NIBAN2: variants seen among roughly 807,000 people sequenced by gnomAD.
NIBAN2 encodes protein Niban 2.
NIBAN2 carries 36 observed loss-of-function variants against 81.8 expected under a neutral mutation model. The observed-to-expected ratio is 0.44, with a 90% CI of 0.34 to 0.58. The LOEUF is 0.58. Ranked by LOEUF, NIBAN2 falls within the 20% of genes least tolerant of loss-of-function variation. The pLI is 0.02. For synonymous variants in NIBAN2, 445 were observed against 441.6 expected (o/e 1.01, Z -0.10); for missense variants, 897 against 1,014.1 (o/e 0.88, Z 1.57).
chr9:127,525,923 C>T (rs1020910168), intron 3 of NIBAN2, among the ~76,000 whole-genome samples: 1 of 152,174 alleles, frequency 6.6e-6, no homozygotes, highest in African/African-American at 2.4e-5. Context: ...TAGAAACTTA[C>T]ACCAGTAGCA....
At position 127,536,191 on chromosome 9, in the gene NIBAN2, C is replaced by T. The variant is rs1328544426; in HGVS notation, c.56-4413G>A. Among the ~76,000 whole-genome samples, 5 of 152,298 alleles carry T rather than the reference C, an allele frequency of 3.3e-5. No individual in the cohort carries two copies. Among genetic ancestry groups the T allele is most frequent in the Admixed American group, 1.3e-4 (2 of 15,300 alleles). ...TTGTACAGAGGAAGTAACCCAGAGA[C>T]GCAGAAGATGAGGACTCGGGTGCTG... is the stretch of plus-strand genomic sequence containing the variant. On this transcript the variant is annotated intron_variant, in intron 1 of 13. Transcript: ENST00000373312. The surrounding 1 kb of genome is among the most constrained non-coding windows in gnomAD (Gnocchi z 4.0).
chr9:127,558,607 T>A (rs922870411), intron 1 of NIBAN2, among the ~76,000 whole-genome samples: 2 of 151,970 alleles, frequency 1.3e-5, no homozygotes, highest in Admixed American at 6.6e-5. Flanking sequence ...AGGGGAGGTG[T>A]GGTAGGGTGA....
intron 1 of NIBAN2, among the ~76,000 whole-genome samples, chr9:127,544,723 C>T (rs1215244281): frequency 3.3e-5 from 5 of 152,202 alleles, no homozygotes; most frequent in African/African-American, 1.2e-4. Context: ...AGGCTGGTCT[C>T]GAATTCCTGA....
At chr9:127,523,571 T>G in intron 5 of NIBAN2, 108 bp downstream of exon 5, 1 of 1,095,530 alleles carries the variant, frequency 9.1e-7, no homozygotes, top group Non-Finnish European at 1.3e-6. Flanking sequence ...TAGAACAGCC[T>G]GTAGAGCAGG....
In NIBAN2 at chr9:127,525,181, G is replaced by T; in HGVS notation, c.316-18C>A. 6.3e-7 allele frequency: 1 copy of T among 1,592,764 alleles called. No homozygotes were observed. The highest frequency in any genetic ancestry group is 1.1e-5 in the South Asian group (1 of 90,652). ...TCATAGGCCTGAGGGAGGCAAGAGA[G>T]AGGGTCCCTGAGGGTTAAGGTGCGG... On this transcript the variant is annotated intron_variant, in intron 3 of 13. Transcript: ENST00000373312.
At chr9:127,560,530 C>A (rs544017665) in intron 1 of NIBAN2, among the ~76,000 whole-genome samples, 2 of 152,250 alleles carry the variant, frequency 1.3e-5, no homozygotes, top group South Asian at 2.1e-4. Flanking sequence ...CTACCTCCCC[C>A]ATCCTGAGTC....
intron 9 of NIBAN2, 81 bp downstream of exon 9, chr9:127,510,065 G>A (rs889831626): frequency 1.0e-4 from 139 of 1,353,910 alleles, no homozygotes; most frequent in Non-Finnish European, 1.3e-4. Context: ...ACGGCTGCCC[G>A]GAGTCACGCA....
chr9:127,524,943 A>T, intron 4 of NIBAN2, 115 bp downstream of exon 4: 1 of 729,426 alleles, frequency 1.4e-6, no homozygotes, highest in Non-Finnish European at 2.4e-6. Flanking sequence ...CTCTAAGCCT[A>T]GTTGGTCTCT....
rs531659866 is a variant in NIBAN2, at chr9:127,578,759, A to G, written c.16+163T>C. ...AAGCCTATGACGCTTTGGGAGGTCA[A>G]GAAGTGAGGATCCCTTGAGCCCAGG... On this transcript the variant is annotated intron_variant, in intron 1 of 13. Transcript: ENST00000373314. Among the ~76,000 whole-genome samples, 23 of 152,092 alleles carry G rather than the reference A, an allele frequency of 1.5e-4. No homozygotes were observed. In the South Asian group the frequency reaches 4.8e-3, roughly 32 times the overall value.
chr9:127,517,124 C>T lies in NIBAN2; in HGVS notation c.798G>A (p.Arg266=). ...CAGGCCCACCCACCTGGATCCACTG[C>T]CGCTGCCGCTCCTGCGGTTTCCCCT... ...RLKGKPQERQ[R]QWIQISDAVY... Residue 266 remains arginine (R), a synonymous_variant, in exon 7 of 14, where the codon CGG becomes CGA. Transcript: ENST00000373312. The surrounding 1 kb of genome is among the most constrained non-coding windows in gnomAD (Gnocchi z 4.0). The T allele has an allele frequency of 6.2e-7, 1 of 1,613,602 alleles. No homozygotes were observed. Among genetic ancestry groups the T allele is most frequent in the Non-Finnish European group, 8.5e-7 (1 of 1,179,740 alleles).
At chr9:127,527,020 G>C (rs760972836) in intron 3 of NIBAN2, among the ~76,000 whole-genome samples, 174 bp downstream of exon 3, 23 of 152,162 alleles carry the variant, frequency 1.5e-4, no homozygotes, top group Admixed American at 3.3e-4. Context: ...TCCAGAGAGG[G>C]CACCCAGGGC....
intron 1 of NIBAN2, among the ~76,000 whole-genome samples, chr9:127,556,612 GCAT>G (rs1476107746): frequency 3.3e-5 from 5 of 152,194 alleles, no homozygotes; most frequent in African/African-American, 1.2e-4. Context: ...TGGAGTAGAA[GCAT>G]CATCATGCCC....
In NIBAN2 at chr9:127,520,623, T is replaced by C. The variant is rs937978259; in HGVS notation, c.590-2682A>G. 4.6e-5 allele frequency among the ~76,000 whole-genome samples: 7 copies of C among 151,980 alleles called. No homozygotes were observed. In the South Asian group the frequency reaches 1.2e-3, roughly 27 times the overall value. On this transcript the variant is annotated intron_variant, in intron 5 of 13. Coordinates refer to ENST00000373312, the MANE Select transcript of NIBAN2 (RefSeq NM_022833.4). ...AATACAACTAGTGCCCTTAAAAGAATAGTACATTTTGGCCGGGCACAGTGA... is the reference window on the plus strand; with the variant it reads ...AATACAACTAGTGCCCTTAAAAGAACAGTACATTTTGGCCGGGCACAGTGA...
intron 1 of NIBAN2, among the ~76,000 whole-genome samples, chr9:127,533,441 A>G (rs551263822): frequency 1.3e-5 from 2 of 152,310 alleles, no homozygotes; most frequent in African/African-American, 4.8e-5. Flanking sequence ...TGGGCGACAG[A>G]GCGAGACTCC....
At chr9:127,542,841 G>A (rs1837406090) in intron 1 of NIBAN2, among the ~76,000 whole-genome samples, 1 of 152,242 alleles carries the variant, frequency 6.6e-6, no homozygotes, top group Non-Finnish European at 1.5e-5. Flanking sequence ...TTCTGCCTCA[G>A]CCTCCCCAGT....
At position 127,507,389 on chromosome 9, in the gene NIBAN2, C is replaced by T. The variant is rs1046063862; in HGVS notation, c.1697G>A (p.Arg566Gln). 1.4e-5 allele frequency: 22 copies of T among 1,519,966 alleles called. No homozygotes were observed. Among genetic ancestry groups the T allele is most frequent in the Non-Finnish European group, 1.9e-5 (21 of 1,134,030 alleles). 94.2% of individuals were successfully genotyped at this position (1,519,966 alleles called of 1,614,324 possible). A position where few individuals can be genotyped will look rare whatever the true frequency, so the allele number is the denominator to read the frequency against. ...AAVQRKHNLY[R>Q]DSMVMHNSDP... is the part of the protein sequence containing the mutation. Reference sequence around the variant, plus strand: ...GCTGTTGTGCATGACCATGCTGTCCCGGTAGAGGTTGTGCTTCCTCTGCAC... The same window carrying T: ...GCTGTTGTGCATGACCATGCTGTCCTGGTAGAGGTTGTGCTTCCTCTGCAC... Residue 566 changes from arginine (R) to glutamine (Q), a missense_variant, in exon 14 of 14, where the codon CGG (arginine) becomes CAG (glutamine). Arg to Gln is a conservative substitution (Grantham distance 43). Transcript: ENST00000373312. This position sits in a 1 kb window ranked among gnomAD's most constrained non-coding sequence, Gnocchi z 6.8.
Position 127,536,856 on chromosome 9 carries a change from A to G in NIBAN2, c.56-5078T>C, listed in dbSNP as rs544864314. 2.0e-5 allele frequency among the ~76,000 whole-genome samples: 3 copies of G among 152,314 alleles called. No homozygotes were observed. The highest frequency in any genetic ancestry group is 3.9e-4 in the East Asian group (2 of 5,182). On this transcript the variant is annotated intron_variant, in intron 1 of 13. Coordinates refer to ENST00000373312, the MANE Select transcript of NIBAN2 (RefSeq NM_022833.4). This position sits in a 1 kb window ranked among gnomAD's most constrained non-coding sequence, Gnocchi z 4.0. ...GGCCCCCTACCTCCCCTTAGAGGGC[A>G]GAGAGGAAACTGGCTGTGCCCCCAT... is the stretch of plus-strand genomic sequence containing the variant.
chr9:127,539,942 GCA>G (rs1837347067), intron 1 of NIBAN2, among the ~76,000 whole-genome samples: 1 of 152,288 alleles, frequency 6.6e-6, no homozygotes, highest in South Asian at 2.1e-4. Context: ...CTGCAAAATG[GCA>G]CAACAGTATC....
chr9:127,528,036 GTC>G (rs1416208502), intron 2 of NIBAN2, among the ~76,000 whole-genome samples: 1 of 152,224 alleles, frequency 6.6e-6, no homozygotes, highest in Admixed American at 6.5e-5. Flanking sequence ...CTCACAGTGT[GTC>G]TAGTCACTTT....
Sources: gnomAD v4.1 joint callset for allele counts (sites outside exome capture counted in the v4.1 genomes callset) on GRCh38, gnomAD v4.1.1 for gene constraint, Gnocchi (gnomAD v3.1) non-coding constraint, MANE v1.5 for transcripts, NCBI Gene and HGNC (gene_info 2026-07-23, HGNC 2026-07-21) for gene names.